FBXO42: variants seen among roughly 807,000 people sequenced by gnomAD.
FBXO42 encodes F-box only protein 42.
Under a neutral mutation model 71.7 loss-of-function variants are expected in FBXO42, and 12 were observed. The ratio of observed to expected loss-of-function variants is 0.17; its 90% CI spans 0.11 to 0.27. FBXO42 has a LOEUF of 0.27. FBXO42 is among the 10% of genes least tolerant of loss of function. The pLI is 1.00. For missense variants in FBXO42, 707 were observed against 911.9 expected (o/e 0.78, Z 2.89); for synonymous variants, 325 against 327.5 (o/e 0.99, Z 0.08).
chr1:16,328,983 T>C (rs571465535), intron 1 of FBXO42, among the ~76,000 whole-genome samples: 2 of 151,018 alleles, frequency 1.3e-5, no homozygotes, highest in Non-Finnish European at 2.9e-5. Context: ...ACCAACATGG[T>C]GAAACCCCAT....
At chr1:16,349,521 T>C (rs1557611786) in intron 1 of FBXO42, among the ~76,000 whole-genome samples, 1 of 152,188 alleles carries the variant, frequency 6.6e-6, no homozygotes, top group Non-Finnish European at 1.5e-5. Flanking sequence ...ACATTAACAA[T>C]CGTGGGAAGG....
At chr1:16,316,169 CAAA>C (rs58485035) in intron 1 of FBXO42, among the ~76,000 whole-genome samples, 9 of 109,046 alleles carry the variant, frequency 8.3e-5, no homozygotes, top group Admixed American at 2.0e-4. Flanking sequence ...ACCTCCATCT[CAAA>C]AAAAAAAAAA....
At chr1:16,331,363 C>T (rs182214259) in intron 1 of FBXO42, among the ~76,000 whole-genome samples, 72 of 151,456 alleles carry the variant, frequency 4.8e-4, no homozygotes, top group African/African-American at 1.6e-3. Context: ...TGCAGTGAGC[C>T]GAGATCGTGC....
intron 4 of FBXO42, among the ~76,000 whole-genome samples, chr1:16,280,823 C>T (rs2081955837): frequency 6.6e-6 from 1 of 152,076 alleles, no homozygotes; most frequent in Non-Finnish European, 1.5e-5. Flanking sequence ...CACAGCATGG[C>T]TTAGTAGAAA....
chr1:16,275,997 C>T (rs1332532826), intron 4 of FBXO42, among the ~76,000 whole-genome samples: 1 of 151,952 alleles, frequency 6.6e-6, no homozygotes, highest in African/African-American at 2.4e-5. Flanking sequence ...AAGGAGCCTC[C>T]TAGAATTCAA....
At chr1:16,306,855 TG>T (rs1172217089) in intron 2 of FBXO42, among the ~76,000 whole-genome samples, 13 of 152,154 alleles carry the variant, frequency 8.5e-5, no homozygotes, top group Non-Finnish European at 1.8e-4. Context: ...AACACCACCA[TG>T]CCTGGCTAAA....
chr1:16,336,367 T>G (rs1026897670), intron 1 of FBXO42, among the ~76,000 whole-genome samples: 26 of 148,422 alleles, frequency 1.8e-4, no homozygotes, highest in African/African-American at 6.4e-4. Flanking sequence ...TTTGTTTTTG[T>G]TTTTTTTTTG....
chr1:16,282,377 C>G (rs61769829), intron 4 of FBXO42, among the ~76,000 whole-genome samples: 12,346 of 151,724 alleles, frequency 0.081, 690 homozygotes, highest in Non-Finnish European at 0.12. Context: ...AGGCGCCCAC[C>G]ACCATGCCCA....
At chr1:16,290,520 C>A (rs2082066301) in intron 4 of FBXO42, among the ~76,000 whole-genome samples, 1 of 151,858 alleles carries the variant, frequency 6.6e-6, no homozygotes, top group Admixed American at 6.6e-5. Flanking sequence ...GGTGAAACTC[C>A]GTCTCTACTA....
intron 4 of FBXO42, among the ~76,000 whole-genome samples, chr1:16,285,902 T>C (rs1457010709): frequency 2.0e-5 from 3 of 152,090 alleles, no homozygotes; most frequent in Non-Finnish European, 4.4e-5. Context: ...AGGACTTGCT[T>C]CGTCACCCAG....
intron 4 of FBXO42, among the ~76,000 whole-genome samples, chr1:16,287,478 T>C (rs1165949992): frequency 1.3e-5 from 2 of 152,252 alleles, no homozygotes; most frequent in Non-Finnish European, 1.5e-5. Context: ...TATTGACTCA[T>C]GTGTCCCTGG....
chr1:16,327,177 C>A (rs1056613482), intron 1 of FBXO42, among the ~76,000 whole-genome samples: 1 of 152,064 alleles, frequency 6.6e-6, no homozygotes, highest in Non-Finnish European at 1.5e-5. Flanking sequence ...ACCTTACTGA[C>A]GAGGGATGTT....
At chr1:16,261,076 T>C (rs1206834749) in intron 4 of FBXO42, among the ~76,000 whole-genome samples, 2 of 152,246 alleles carry the variant, frequency 1.3e-5, no homozygotes, top group Admixed American at 6.5e-5. Flanking sequence ...TTCTGAATAG[T>C]TGCCACAAAC....
At chr1:16,271,025 A>G (rs184349665) in intron 4 of FBXO42, among the ~76,000 whole-genome samples, 153 of 152,154 alleles carry the variant, frequency 1.0e-3, no homozygotes, top group Non-Finnish European at 3.7e-4. Flanking sequence ...TCACAGAGGG[A>G]GACATATGAA....
intron 2 of FBXO42, among the ~76,000 whole-genome samples, chr1:16,308,269 C>G (rs943522217): frequency 6.6e-6 from 1 of 152,164 alleles, no homozygotes; most frequent in Non-Finnish European, 1.5e-5. Flanking sequence ...GCGTGAGCCA[C>G]TGTGTCCAGC....
chr1:16,320,646 C>T (rs1432640345), intron 1 of FBXO42, among the ~76,000 whole-genome samples: 1 of 150,926 alleles, frequency 6.6e-6, no homozygotes, highest in Admixed American at 6.6e-5. Context: ...TGGCGCACAT[C>T]ACTATGCCCA....
Position 16,314,035 on chromosome 1 carries a change from C to T in FBXO42, c.250+1134G>A, listed in dbSNP as rs529055893. On this transcript the variant is annotated intron_variant, in intron 2 of 9. Coordinates refer to ENST00000375592, the MANE Select transcript of FBXO42 (RefSeq NM_018994.3). ...GTGGCGTGATCTTGGCTCACTGCAA[C>T]CTCTGCCTCCTGGGTTCAAGCAATT... 1.4e-4 allele frequency among the ~76,000 whole-genome samples: 21 copies of T among 152,250 alleles called. No homozygotes were observed. The South Asian group carries it at 1.7e-3, about 12-fold the overall frequency.
intron 1 of FBXO42, among the ~76,000 whole-genome samples, chr1:16,338,289 A>G (rs1253567097): frequency 6.7e-6 from 1 of 148,218 alleles, no homozygotes; most frequent in African/African-American, 2.5e-5. Context: ...TCGCTTGAGC[A>G]CTGAAGTTGA....
intron 1 of FBXO42, among the ~76,000 whole-genome samples, chr1:16,330,711 G>A (rs1187299912): frequency 6.6e-6 from 1 of 152,058 alleles, no homozygotes; most frequent in Non-Finnish European, 1.5e-5. Context: ...GGAGACCGAG[G>A]AGGTGAATCA....
Sources: gnomAD v4.1 joint callset for allele counts (sites outside exome capture counted in the v4.1 genomes callset) on GRCh38, gnomAD v4.1.1 for gene constraint, MANE v1.5 for transcripts, NCBI Gene and HGNC (gene_info 2026-07-23, HGNC 2026-07-21) for gene names.